The following ABCC4 variants were observed in gnomAD, a reference collection of about 807,000 sequenced individuals.
ABCC4 encodes ATP-binding cassette sub-family C member 4.
ABCC4 carries 102 observed loss-of-function variants against 168.5 expected under a neutral mutation model. That is an observed-to-expected ratio of 0.61 (90% CI 0.52 to 0.71). The LOEUF (loss-of-function observed/expected upper bound fraction) is 0.71, where lower values mean the gene tolerates loss of function less well. Ranked by LOEUF, ABCC4 falls within the 30% of genes least tolerant of loss-of-function variation. The probability of loss-of-function intolerance (pLI) is 0.00; values close to 1 mark genes in which losing one functional copy is unlikely to be tolerated. For synonymous variants in ABCC4, 617 were observed against 590.7 expected, an observed-to-expected ratio of 1.04 and a Z score of -0.65; for missense variants, 1,402 against 1,605.8, an observed-to-expected ratio of 0.87 and a Z score of 2.17.
chr13:95,195,621 T>A (rs1388724673), intron 8 of ABCC4, among the ~76,000 whole-genome samples: 2 of 152,154 alleles, frequency 1.3e-5, no homozygotes, highest in Non-Finnish European at 2.9e-5. Flanking sequence ...CTTTTCACAA[T>A]CACCTATTAT....
At chr13:95,216,994 A>G (rs949807840) in intron 4 of ABCC4, among the ~76,000 whole-genome samples, 4 of 152,226 alleles carry the variant, frequency 2.6e-5, no homozygotes, top group Non-Finnish European at 5.9e-5. Flanking sequence ...AAAACTGGAA[A>G]ACATCTGAGT....
At chr13:95,252,357 TATA>T (rs927718716) in intron 1 of ABCC4, among the ~76,000 whole-genome samples, 3 of 152,202 alleles carry the variant, frequency 2.0e-5, no homozygotes, top group Non-Finnish European at 4.4e-5. Context: ...GTGCTCAATT[TATA>T]ATATTAAACT....
At chr13:95,281,410 A>G (rs2138917697) in intron 1 of ABCC4, among the ~76,000 whole-genome samples, 1 of 152,198 alleles carries the variant, frequency 6.6e-6, no homozygotes, top group Admixed American at 6.6e-5. Flanking sequence ...TTTGCCCAAG[A>G]CACACCTCAT....
intron 1 of ABCC4, among the ~76,000 whole-genome samples, chr13:95,300,076 G>A (rs1326504026): frequency 1.3e-5 from 2 of 152,136 alleles, no homozygotes; most frequent in Non-Finnish European, 2.9e-5. Context: ...TCCTGACCTC[G>A]TGATCCACCC....
chr13:95,202,232 TC>T (rs879740189), intron 8 of ABCC4, among the ~76,000 whole-genome samples: 4 of 152,320 alleles, frequency 2.6e-5, no homozygotes, highest in Middle Eastern at 3.4e-3. Context: ...TCAAGCTGCA[TC>T]ATCAGCTCTT....
intron 25 of ABCC4, among the ~76,000 whole-genome samples, chr13:95,067,604 A>T (rs2033592174): frequency 6.6e-6 from 1 of 152,172 alleles, no homozygotes; most frequent in African/African-American, 2.4e-5. Context: ...GTTTCCAAGC[A>T]GAGGCAGGTG....
chr13:95,221,584 C>A (rs1311234188), intron 4 of ABCC4, among the ~76,000 whole-genome samples: 1 of 150,592 alleles, frequency 6.6e-6, no homozygotes. Context: ...AGATTAAAAA[C>A]AAATCAATTA....
Position 95,166,319 on chromosome 13 carries a change from T to C in ABCC4, c.1873A>G (p.Ile625Val), listed in dbSNP as rs1245504971. 9 of 1,613,754 alleles carry C rather than the reference T, an allele frequency of 5.6e-6. No homozygotes were observed. Among genetic ancestry groups the C allele is most frequent in the Non-Finnish European group, 5.9e-6 (7 of 1,180,018 alleles). Reference sequence around the variant, plus strand: ...TTCTTTAAAAGGGAGCCAAAATCTATACCAGATTTTAGGAACTCAGTGTAA... The same window carrying C: ...TTCTTTAAAAGGGAGCCAAAATCTACACCAGATTTTAGGAACTCAGTGTAA... ...GTYTEFLKSG[I>V]DFGSLLKKDN... The change falls in exon 15 of 31, where the codon ATA becomes GTA. Residue 625 changes from isoleucine (I) to valine (V), a missense_variant. Ile to Val is a conservative substitution (Grantham distance 29, BLOSUM62 3). Coordinates refer to ENST00000645237, the MANE Select transcript of ABCC4 (RefSeq NM_005845.5).
chr13:95,205,983 A>T lies in ABCC4; in HGVS notation c.1161+549T>A, dbSNP rs187501101. On this transcript the variant is annotated intron_variant, in intron 8 of 30. Transcript: ENST00000645237. ...ATAGGTTCATCAACAGTAAGAAAAA[A>T]GTGAAAAGCGGACAGGAAAGAAATG... Among the ~76,000 whole-genome samples the T allele has an allele frequency of 3.9e-5, 6 of 152,368 alleles. No individual in the cohort carries two copies. In the East Asian group the frequency reaches 1.2e-3, roughly 29 times the overall value.
At chr13:95,119,260 T>C (rs2035480539) in intron 19 of ABCC4, among the ~76,000 whole-genome samples, 1 of 152,136 alleles carries the variant, frequency 6.6e-6, no homozygotes, top group African/African-American at 2.4e-5. Flanking sequence ...TAAACAACTA[T>C]TGAGTGCATC....
At chr13:95,053,271 C>G in intron 26 of ABCC4, 87 bp from the exon 27 acceptor site, 1 of 1,014,122 alleles carries the variant, frequency 9.9e-7, no homozygotes, top group South Asian at 1.4e-5. Context: ...AATTAAGATA[C>G]CAAAAAATAA....
intron 29 of ABCC4, among the ~76,000 whole-genome samples, chr13:95,037,464 C>T (rs1336141473): frequency 6.6e-6 from 1 of 152,154 alleles, no homozygotes; most frequent in Non-Finnish European, 1.5e-5. Flanking sequence ...GAGCAAGAAA[C>T]AGTCTATCAA....
intron 19 of ABCC4, among the ~76,000 whole-genome samples, chr13:95,139,938 C>T (rs1055196548): frequency 3.3e-5 from 5 of 152,152 alleles, no homozygotes; most frequent in Admixed American, 2.0e-4. Context: ...GGAAGGCTTC[C>T]CACTGATTCC....
rs9516521 is a variant in ABCC4 at position 95,020,868 on chromosome 13, T to C, written c.*707A>G. 0.1 allele frequency: 15,293 copies of C among 152,522 alleles called. 994 individuals are homozygous for C. Among genetic ancestry groups the C allele is most frequent in the Admixed American group, 0.16 (2,512 of 15,282 alleles). The allele number at this position is 152,522 out of a possible 1,614,324, so 9.4% of individuals were successfully genotyped here. ...TGCAACTCTAAAGGAGGATGGACGG[T>C]CACATTTGTGTCCTTCAGTATCAAA... is the stretch of plus-strand genomic sequence containing the variant. On this transcript the variant is annotated 3_prime_UTR_variant, in exon 31 of 31. Transcript: ENST00000645237.
chr13:95,236,588 A>G (rs61972721), intron 3 of ABCC4, among the ~76,000 whole-genome samples: 510 of 41,836 alleles, frequency 0.012, 11 homozygotes, highest in Admixed American at 0.059. Flanking sequence ...CGGCATGTGA[A>G]CGCGCGCGTG....
intron 19 of ABCC4, among the ~76,000 whole-genome samples, chr13:95,146,530 A>G (rs1434590131): frequency 6.6e-6 from 1 of 152,230 alleles, no homozygotes; most frequent in Non-Finnish European, 1.5e-5. Context: ...AAATGCTGTT[A>G]TAATCTGCAG....
At chr13:95,037,427 C>T (rs2032170087) in intron 29 of ABCC4, among the ~76,000 whole-genome samples, 1 of 152,166 alleles carries the variant, frequency 6.6e-6, no homozygotes, top group African/African-American at 2.4e-5. Flanking sequence ...TCCAAAGTAT[C>T]ATTTTAGGAA....
chr13:95,060,172 C>T (rs2033230537), intron 26 of ABCC4, among the ~76,000 whole-genome samples: 2 of 152,158 alleles, frequency 1.3e-5, no homozygotes, highest in African/African-American at 4.8e-5. Flanking sequence ...AAAGGAAAGT[C>T]TCTCTGTTTA....
intron 3 of ABCC4, among the ~76,000 whole-genome samples, chr13:95,243,897 T>TA (rs11412332): frequency 0.58 from 81,749 of 142,050 alleles, 24,258 homozygotes; most frequent in African/African-American, 0.79. Context: ...GACGAAAACA[T>TA]AAAAAAAAAA....
Sources: gnomAD v4.1 joint callset for allele counts (sites outside exome capture counted in the v4.1 genomes callset) on GRCh38, gnomAD v4.1.1 for gene constraint, MANE v1.5 for transcripts, NCBI Gene and HGNC (gene_info 2026-07-23, HGNC 2026-07-21) for gene names.